The following IL1RAPL1 variants were observed in gnomAD, a reference collection of about 807,000 sequenced individuals.
The protein encoded by IL1RAPL1 is interleukin-1 receptor accessory protein-like 1.
In IL1RAPL1, 3 loss-of-function variants were observed where a neutral mutation model predicts 48.4. That is an observed-to-expected ratio of 0.06 (90% CI 0.03 to 0.16). The LOEUF (loss-of-function observed/expected upper bound fraction) is 0.16, where lower values mean the gene tolerates loss of function less well. Among genes scored for constraint, IL1RAPL1 ranks in the 10% least tolerant of loss-of-function variants. The probability of loss-of-function intolerance (pLI) is 1.00; values close to 1 mark genes in which losing one functional copy is unlikely to be tolerated. For synonymous variants in IL1RAPL1, 185 were observed against 187.7 expected (o/e 0.99, Z 0.12); for missense variants, 349 against 530.6 (o/e 0.66, Z 3.36).
chrX:29,912,208 G>A (rs1932762690), intron 6 of IL1RAPL1, among the ~76,000 whole-genome samples: 1 of 111,674 alleles, frequency 9.0e-6, no homozygotes, highest in African/African-American at 3.3e-5. Flanking sequence ...TGAATGAGGA[G>A]GCTCTGTACT....
intron 2 of IL1RAPL1, among the ~76,000 whole-genome samples, chrX:29,114,329 A>G (rs963197098): frequency 1.8e-5 from 2 of 112,228 alleles, no homozygotes; most frequent in African/African-American, 6.5e-5. Context: ...AGCTCTTCTT[A>G]GATCAGTGTT....
intron 2 of IL1RAPL1, among the ~76,000 whole-genome samples, chrX:29,062,776 A>C (rs1418414917): frequency 5.4e-5 from 6 of 111,069 alleles, no homozygotes; most frequent in Non-Finnish European, 1.1e-4. Flanking sequence ...CCCTCTTCTC[A>C]TATTATGATT....
At chrX:29,019,021 C>T (rs1208106160) in intron 2 of IL1RAPL1, among the ~76,000 whole-genome samples, 1 of 111,865 alleles carries the variant, frequency 8.9e-6, no homozygotes, top group Non-Finnish European at 1.9e-5. Context: ...ACAGCAAACA[C>T]GTCTTTCCTC....
intron 2 of IL1RAPL1, among the ~76,000 whole-genome samples, chrX:28,851,692 A>G: frequency 9.0e-6 from 1 of 111,484 alleles, no homozygotes; most frequent in Non-Finnish European, 1.9e-5. Flanking sequence ...ATGTCACTTT[A>G]TTGTTATTAA....
intron 2 of IL1RAPL1, among the ~76,000 whole-genome samples, chrX:28,939,932 A>G (rs1287853442): frequency 9.0e-6 from 1 of 111,144 alleles, no homozygotes; most frequent in African/African-American, 3.3e-5. Context: ...GTATGCAAAA[A>G]TTTGCTGATT....
At chrX:28,726,000 A>G (rs1303996251) in intron 1 of IL1RAPL1, among the ~76,000 whole-genome samples, 1 of 112,648 alleles carries the variant, frequency 8.9e-6, no homozygotes, top group Non-Finnish European at 1.9e-5. Flanking sequence ...GTTTATTTTC[A>G]AAGTTATTTA....
rs1052331227 is a variant in IL1RAPL1 at position 29,773,293 on chromosome X, C to A, written c.778+104789C>A. On this transcript the variant is annotated intron_variant, in intron 6 of 10. Coordinates refer to ENST00000378993, the MANE Select transcript of IL1RAPL1 (RefSeq NM_014271.4). ...CACTTTTTTTCCTGTTGGTTTCCAG[C>A]AGTGTCATGGGCTTTCATTACTTAT... 3.6e-5 allele frequency among the ~76,000 whole-genome samples: 4 copies of A among 111,727 alleles called. No homozygotes were observed. In the Admixed American group the frequency reaches 3.8e-4, roughly 11 times the overall value.
At chrX:28,991,358 G>A (rs1339824486) in intron 2 of IL1RAPL1, among the ~76,000 whole-genome samples, 1 of 110,366 alleles carries the variant, frequency 9.1e-6, no homozygotes, top group Non-Finnish European at 1.9e-5. Context: ...TTATGAAAAT[G>A]TATCTGGATA....
chrX:29,171,388 A>G (rs1307495402), intron 2 of IL1RAPL1, among the ~76,000 whole-genome samples: 2 of 111,219 alleles, frequency 1.8e-5, no homozygotes, highest in Non-Finnish European at 3.8e-5. Flanking sequence ...CTGGTCCTCA[A>G]TTTTTTTCAC....
intron 6 of IL1RAPL1, among the ~76,000 whole-genome samples, chrX:29,728,114 T>C (rs941061868): frequency 2.7e-5 from 3 of 110,547 alleles, no homozygotes; most frequent in Non-Finnish European, 5.7e-5. Flanking sequence ...ATTTTTGTAT[T>C]TTTAGTAGAG....
intron 5 of IL1RAPL1, among the ~76,000 whole-genome samples, chrX:29,433,379 A>G (rs1934443410): frequency 9.0e-6 from 1 of 110,940 alleles, no homozygotes; most frequent in Admixed American, 9.7e-5. Flanking sequence ...CCTTTCAAGT[A>G]TATATAATTT....
At chrX:28,938,725 A>G (rs1418112010) in intron 2 of IL1RAPL1, among the ~76,000 whole-genome samples, 2 of 111,529 alleles carry the variant, frequency 1.8e-5, no homozygotes, top group African/African-American at 6.5e-5. Flanking sequence ...GAAACTATCA[A>G]CAGAGTAAAC....
At chrX:28,888,964 G>A (rs903690820) in intron 2 of IL1RAPL1, among the ~76,000 whole-genome samples, 3 of 110,776 alleles carry the variant, frequency 2.7e-5, no homozygotes, top group Non-Finnish European at 5.7e-5. Context: ...AACCTATTGT[G>A]TAAGTAGCAA....
chrX:29,427,731 A>C (rs754349430), intron 5 of IL1RAPL1, among the ~76,000 whole-genome samples: 1 of 111,563 alleles, frequency 9.0e-6, no homozygotes, highest in Non-Finnish European at 1.9e-5. Context: ...GAGAAGTTAT[A>C]AATCTTGTGA....
intron 3 of IL1RAPL1, among the ~76,000 whole-genome samples, chrX:29,343,508 A>C (rs1473438111): frequency 9.0e-6 from 1 of 111,631 alleles, no homozygotes; most frequent in Non-Finnish European, 1.9e-5. Flanking sequence ...GCTACATTCT[A>C]CACTTGTATT....
chrX:29,738,784 A>G (rs971751703), intron 6 of IL1RAPL1, among the ~76,000 whole-genome samples: 1 of 111,899 alleles, frequency 8.9e-6, no homozygotes, highest in African/African-American at 3.3e-5. Context: ...CTGGTTCCCA[A>G]TGCGCAGAAT....
chrX:28,889,804 G>A lies in IL1RAPL1; in HGVS notation c.82+100379G>A, dbSNP rs182885718. 2.4e-3 allele frequency among the ~76,000 whole-genome samples: 266 copies of A among 110,895 alleles called. 1 individual carries two copies. The highest frequency in any genetic ancestry group is 8.4e-3 in the African/African-American group (256 of 30,603). ...CAGCGAATTTACAATATCTGGTGACGTCTGACTCCTTTTTTTTTCTTAGGC... is the reference window on the plus strand; with the variant it reads ...CAGCGAATTTACAATATCTGGTGACATCTGACTCCTTTTTTTTTCTTAGGC... On this transcript the variant is annotated intron_variant, in intron 2 of 10. Coordinates refer to ENST00000378993, the MANE Select transcript of IL1RAPL1 (RefSeq NM_014271.4).
At chrX:28,941,001 G>A (rs1203449257) in intron 2 of IL1RAPL1, among the ~76,000 whole-genome samples, 3 of 110,173 alleles carry the variant, frequency 2.7e-5, no homozygotes, top group Non-Finnish European at 5.7e-5. Context: ...TTTTATTTTG[G>A]TTATTCTTCT....
chrX:28,744,985 A>G (rs1332020761), intron 1 of IL1RAPL1, among the ~76,000 whole-genome samples: 2 of 111,531 alleles, frequency 1.8e-5, no homozygotes, highest in East Asian at 5.7e-4. Context: ...TCAGAGTGCC[A>G]GGAGCCACAC....
Sources: gnomAD v4.1 joint callset for allele counts (sites outside exome capture counted in the v4.1 genomes callset) on GRCh38, gnomAD v4.1.1 for gene constraint, MANE v1.5 for transcripts, NCBI Gene and HGNC (gene_info 2026-07-23, HGNC 2026-07-21) for gene names.